The following ARAP2 variants were observed in gnomAD, a reference collection of about 807,000 sequenced individuals.
The protein encoded by ARAP2 is ArfGAP with RhoGAP domain, ankyrin repeat and PH domain 2.
ARAP2 carries 148 observed loss-of-function variants against 194.5 expected under a neutral mutation model. That is an observed-to-expected ratio of 0.76 (90% CI 0.67 to 0.87). The LOEUF (loss-of-function observed/expected upper bound fraction) is 0.87, where lower values mean the gene tolerates loss of function less well. ARAP2 is among the 40% of genes least tolerant of loss of function. The pLI is 0.00. For missense variants in ARAP2, 2,128 were observed against 1,989.7 expected, an observed-to-expected ratio of 1.07 and a Z score of -1.32; for synonymous variants, 695 against 683.5, an observed-to-expected ratio of 1.02 and a Z score of -0.26.
chr4:36,174,872 T>TA (rs1229777839), intron 9 of ARAP2, among the ~76,000 whole-genome samples: 2 of 152,158 alleles, frequency 1.3e-5, no homozygotes, highest in African/African-American at 4.8e-5. Flanking sequence ...GATTCCTCTT[T>TA]AAAAAACTCT....
In ARAP2 at chr4:36,224,660, A is replaced by G. The variant is rs1374085377; in HGVS notation, c.905+3922T>C. ...CTTTTTAACTTAGATTATTGAGCAG[A>G]TAGATACCCTCACCTTCTAACAATA... On this transcript the variant is annotated intron_variant, in intron 2 of 32. Transcript: ENST00000303965. Among the ~76,000 whole-genome samples, 3 of 152,170 alleles carry G rather than the reference A, an allele frequency of 2.0e-5. No homozygotes were observed. In the East Asian group the frequency reaches 5.8e-4, roughly 29 times the overall value.
In ARAP2 at chr4:36,138,568, CT is replaced by C. The variant is rs916290260; in HGVS notation, c.3264-5180del. On this transcript the variant is annotated intron_variant, in intron 19 of 32. Transcript: ENST00000303965. ...GGTCCCTTTATAATGATAATCAGTA[CT>C]TCACATATGAACACATACCATACTC... Among the ~76,000 whole-genome samples the C allele has an allele frequency of 1.1e-4, 17 of 151,668 alleles. 1 individual carries two copies. Among genetic ancestry groups the C allele is most frequent in the Non-Finnish European group, 3.0e-5 (2 of 67,786 alleles).
intron 2 of ARAP2, among the ~76,000 whole-genome samples, chr4:36,225,063 C>T (rs567027255): frequency 6.6e-6 from 1 of 152,078 alleles, no homozygotes; most frequent in African/African-American, 2.4e-5. Context: ...GTTCAAAGAA[C>T]ACAGGAGACT....
At chr4:36,202,543 C>T (rs1744595060) in intron 6 of ARAP2, among the ~76,000 whole-genome samples, 1 of 151,468 alleles carries the variant, frequency 6.6e-6, no homozygotes. Context: ...TAAAAAGATT[C>T]TTGGAAGTCA....
At chr4:36,143,447 T>C (rs955111369) in intron 19 of ARAP2, among the ~76,000 whole-genome samples, 1 of 151,732 alleles carries the variant, frequency 6.6e-6, no homozygotes, top group Non-Finnish European at 1.5e-5. Flanking sequence ...GGTAAATTAA[T>C]ACTGAACACT....
chr4:36,103,858 G>A (rs763468813), intron 27 of ARAP2, among the ~76,000 whole-genome samples: 1 of 151,756 alleles, frequency 6.6e-6, no homozygotes, highest in Non-Finnish European at 1.5e-5. Flanking sequence ...GATAAAGAAA[G>A]AAAATTGAGA....
intron 8 of ARAP2, among the ~76,000 whole-genome samples, chr4:36,181,807 A>G (rs1045032694): frequency 1.3e-5 from 2 of 152,232 alleles, no homozygotes; most frequent in African/African-American, 4.8e-5. Flanking sequence ...GAAAGGAGGA[A>G]GGCCATAAAA....
intron 19 of ARAP2, 65 bp downstream of exon 19, chr4:36,147,231 C>CA: frequency 6.8e-7 from 1 of 1,464,898 alleles, no homozygotes; most frequent in Non-Finnish European, 9.4e-7. Context: ...AAGATAATAA[C>CA]AAAAAACAAA....
At chr4:36,063,645 A>G (rs750382196), downstream of ARAP2, among the ~76,000 whole-genome samples, 6 of 152,112 alleles carry the variant, frequency 3.9e-5, no homozygotes, top group Non-Finnish European at 7.4e-5. Flanking sequence ...ACCGACTTAA[A>G]ATGGTACTTT....
intron 2 of ARAP2, among the ~76,000 whole-genome samples, chr4:36,052,535 G>C (rs775878208): frequency 6.6e-6 from 1 of 152,188 alleles, no homozygotes; most frequent in African/African-American, 2.4e-5. Flanking sequence ...ATTGCTAAGA[G>C]AATGAATAAA....
At chr4:36,184,308 T>C (rs550124535) in intron 8 of ARAP2, among the ~76,000 whole-genome samples, 2 of 152,174 alleles carry the variant, frequency 1.3e-5, no homozygotes, top group East Asian at 3.9e-4. Context: ...TACACACACC[T>C]CTACACCCAC....
chr4:36,021,295 A>T (rs544952632), intron 5 of ARAP2, among the ~76,000 whole-genome samples: 152 of 152,280 alleles, frequency 1.0e-3, no homozygotes, highest in Admixed American at 2.2e-3. Context: ...ATAATTTTTT[A>T]AAAAAATCAT....
chr4:36,210,926 T>C (rs1053104280), intron 5 of ARAP2, among the ~76,000 whole-genome samples, 183 bp from the exon 6 acceptor site: 2 of 152,180 alleles, frequency 1.3e-5, no homozygotes, highest in Non-Finnish European at 2.9e-5. Flanking sequence ...AATTATTTCA[T>C]TAACCTATGA....
chr4:36,230,676 A>G (rs1217671237), intron 1 of ARAP2, among the ~76,000 whole-genome samples: 1 of 152,220 alleles, frequency 6.6e-6, no homozygotes, highest in Non-Finnish European at 1.5e-5. Flanking sequence ...TTGTGCGTCA[A>G]TAAAAAAGTA....
At chr4:36,127,407 G>GT (rs1276730991) in intron 21 of ARAP2, among the ~76,000 whole-genome samples, 1 of 151,978 alleles carries the variant, frequency 6.6e-6, no homozygotes, top group Non-Finnish European at 1.5e-5. Context: ...TAGTTATATC[G>GT]TGAGAAGCTT....
intron 15 of ARAP2, among the ~76,000 whole-genome samples, chr4:36,155,658 T>A (rs1195048159): frequency 2.6e-5 from 4 of 151,792 alleles, no homozygotes; most frequent in Admixed American, 2.0e-4. Flanking sequence ...TTTATTTTTT[T>A]TTTTATTTTT....
intron 15 of ARAP2, among the ~76,000 whole-genome samples, chr4:36,156,076 G>A (rs920578881): frequency 2.0e-5 from 3 of 151,924 alleles, no homozygotes; most frequent in African/African-American, 7.3e-5. Context: ...GAGGTTAGGA[G>A]TTCGAGACCA....
intron 9 of ARAP2, among the ~76,000 whole-genome samples, chr4:36,009,891 A>AAG (rs1553859429): frequency 1.1e-5 from 1 of 90,238 alleles, no homozygotes; most frequent in South Asian, 3.6e-4. Context: ...GGCGGGGGGT[A>AAG]GGGGGGTGGA....
At chr4:36,212,301 TTC>T in intron 5 of ARAP2, 93 bp downstream of exon 5, 2 of 1,054,782 alleles carry the variant, frequency 1.9e-6, no homozygotes, top group Non-Finnish European at 2.7e-6. Context: ...ATAAACTATT[TTC>T]TCTGACACAC....
Sources: allele counts gnomAD v4.1 joint callset (sites outside exome capture counted in the v4.1 genomes callset), GRCh38; gene constraint gnomAD v4.1.1; transcripts MANE v1.5; gene names NCBI Gene and HGNC (gene_info 2026-07-23, HGNC 2026-07-21).